Variants in CTSL observed in about 807,000 individuals in gnomAD.
CTSL encodes procathepsin L.
Under a neutral mutation model 34.7 loss-of-function variants are expected in CTSL, and 23 were observed. The ratio of observed to expected loss-of-function variants is 0.66; its 90% CI spans 0.48 to 0.94. The LOEUF is 0.94. Among genes scored for constraint, CTSL ranks in the 40% least tolerant of loss-of-function variants. CTSL has a pLI of 0.00. For synonymous variants in CTSL, 129 were observed against 136.7 expected, an observed-to-expected ratio of 0.94 and a Z score of 0.39; for missense variants, 361 against 406.3, an observed-to-expected ratio of 0.89 and a Z score of 0.96.
chr9:87,730,629 A>G (rs1036630357), intron 7 of CTSL, 131 bp downstream of exon 7: 1 of 618,234 alleles, frequency 1.6e-6, no homozygotes, highest in Admixed American at 3.2e-5. Context: ...TTGAACATAT[A>G]ATATTAATGT....
chr9:87,728,552 G>A lies in CTSL; in HGVS notation c.397-33G>A, dbSNP rs762754942. The A allele has an allele frequency of 3.2e-6, 5 of 1,573,604 alleles. No homozygotes were observed. In the East Asian group the frequency reaches 1.1e-4, roughly 35 times the overall value. ...GTCAAAGTCTTATTATTTTTTTTTT[G>A]TGGATGACAGCTTTTTTTAATTCCC... On this transcript the variant is annotated intron_variant, in intron 4 of 7. Coordinates refer to ENST00000343150, the MANE Select transcript of CTSL (RefSeq NM_001912.5).
chr9:87,727,546 C>T (rs1826066374), intron 1 of CTSL, 48 bp from the exon 2 acceptor site: 3 of 1,590,800 alleles, frequency 1.9e-6, no homozygotes, highest in Non-Finnish European at 2.6e-6. Context: ...AGTAAGATGG[C>T]TTTTTAGGAT....
intron 2 of CTSL, 55 bp downstream of exon 2, chr9:87,727,784 G>C: frequency 1.2e-6 from 2 of 1,605,988 alleles, no homozygotes; most frequent in Non-Finnish European, 1.7e-6. Flanking sequence ...GTTTTAGTCA[G>C]AGAGTAGCTT....
In CTSL at chr9:87,729,558, CT is replaced by C. The variant is rs766783188; in HGVS notation, c.622-12del. 6.8e-6 allele frequency: 11 copies of C among 1,606,820 alleles called. No individual in the cohort carries two copies. In the African/African-American group the frequency reaches 1.5e-4, roughly 22 times the overall value. ...AGCAGTAATCAAGTCTTTTTTTTCCCTTTACCTTTGAAAGGAAGAATCCTGT... is the reference window on the plus strand; with the variant it reads ...AGCAGTAATCAAGTCTTTTTTTTCCCTTACCTTTGAAAGGAAGAATCCTGT... On this transcript the variant is annotated splice_polypyrimidine_tract_variant and intron_variant, in intron 5 of 7. Transcript: ENST00000343150.
Position 87,731,089 on chromosome 9 carries a change from C to A in CTSL, c.984C>A (p.Ala328=). The A allele has an allele frequency of 1.2e-6, 2 of 1,613,904 alleles. No homozygotes were observed. Among genetic ancestry groups the A allele is most frequent in the Non-Finnish European group, 1.7e-6 (2 of 1,179,864 alleles). ...ACCATTGTGGAATTGCCTCAGCAGC[C>A]AGCTACCCCACTGTGTGAGCTGGTG... The part of the protein sequence containing the change: ...RRNHCGIASA[A]SYPTV The change falls in exon 8 of 8, where the codon GCC becomes GCA. Residue 328 remains alanine (A), a synonymous_variant. Transcript: ENST00000343150.
At position 87,730,428 on chromosome 9, in the gene CTSL, G is replaced by GT; in HGVS notation, c.833dup (p.Leu279AlafsTer8). On this transcript the variant is annotated frameshift_variant, in exon 7 of 8. Coordinates refer to ENST00000343150, the MANE Select transcript of CTSL (RefSeq NM_001912.5). LOFTEE classifies it high-confidence loss of function. ...TAGCAGTGAAGACATGGATCATGGT[G>GT]TGCTGGTGGTTGGCTACGGATTTGA... The GT allele has an allele frequency of 6.2e-7, 1 of 1,613,308 alleles. No homozygotes were observed. The highest frequency in any genetic ancestry group is 8.5e-7 in the Non-Finnish European group (1 of 1,179,782).
Position 87,731,129 on chromosome 9 carries a change from A to G in CTSL, c.*22A>G. The stretch of plus-strand genomic sequence containing the variant: ...GTGAGCTGGTGGACGGTGATGAGGA[A>G]GGACTTGACTGGGGATGGCGCATGC... On this transcript the variant is annotated 3_prime_UTR_variant, in exon 8 of 8. Coordinates refer to ENST00000343150, the MANE Select transcript of CTSL (RefSeq NM_001912.5). 6 of 1,595,580 alleles carry G rather than the reference A, an allele frequency of 3.8e-6. No homozygotes were observed. Among genetic ancestry groups the G allele is most frequent in the East Asian group, 2.2e-5 (1 of 44,760 alleles).
intron 7 of CTSL, 58 bp downstream of exon 7, chr9:87,730,556 AC>A: frequency 7.9e-7 from 1 of 1,262,456 alleles, no homozygotes; most frequent in South Asian, 1.3e-5. Context: ...TTATTTGCAA[AC>A]AGTGTTTGGA....
At chr9:87,730,930 G>A in intron 7 of CTSL, 78 bp from the exon 8 acceptor site, 3 of 1,164,486 alleles carry the variant, frequency 2.6e-6, no homozygotes, top group Middle Eastern at 1.9e-4. Flanking sequence ...CTGGCACAGT[G>A]TTTAAGTTGG....
Position 87,727,662 on chromosome 9 carries a change from C to T in CTSL, c.59C>T (p.Thr20Ile). ...FCLGIASATL[T>I]FDHSLEAQWT... ...CTGGGAATTGCCTCAGCTACTCTAA[C>T]ATTTGATCACAGTTTAGAGGCACAG... Residue 20 changes from threonine to isoleucine, a missense_variant, in exon 2 of 8, where the codon ACA (threonine) becomes ATA (isoleucine). Transcript: ENST00000343150. 6.2e-7 allele frequency: 1 copy of T among 1,614,028 alleles called. No individual in the cohort carries two copies. Among genetic ancestry groups the T allele is most frequent in the Non-Finnish European group, 8.5e-7 (1 of 1,179,966 alleles).
chr9:87,729,299 G>A (rs1006903728), intron 5 of CTSL, among the ~76,000 whole-genome samples: 1 of 152,158 alleles, frequency 6.6e-6, no homozygotes, highest in African/African-American at 2.4e-5. Flanking sequence ...TTGCTTCTAT[G>A]TAACGTGAAG....
intron 5 of CTSL, 85 bp from the exon 6 acceptor site, chr9:87,729,488 C>A: frequency 8.3e-7 from 1 of 1,201,810 alleles, no homozygotes; most frequent in Non-Finnish European, 1.2e-6. Flanking sequence ...AAGCTGCACA[C>A]TGCTGAGTGT....
chr9:87,727,909 G>A, intron 2 of CTSL, 118 bp from the exon 3 acceptor site: 2 of 1,474,632 alleles, frequency 1.4e-6, no homozygotes, highest in Non-Finnish European at 1.9e-6. Context: ...CATCCCCAGA[G>A]GTGTCAAGCC....
chr9:87,728,880 C>G (rs752056590), intron 5 of CTSL, 71 bp downstream of exon 5: 1 of 1,604,350 alleles, frequency 6.2e-7, no homozygotes, highest in African/African-American at 1.3e-5. Context: ...ATAACAGATA[C>G]CTTTTTCGGA....
At chr9:87,730,093 C>T (rs905581061) in intron 6 of CTSL, among the ~76,000 whole-genome samples, 1 of 151,886 alleles carries the variant, frequency 6.6e-6, no homozygotes, top group African/African-American at 2.4e-5. Context: ...GTGTTCTGTG[C>T]TATTTTTTTA....
At chr9:87,727,569 A>G in intron 1 of CTSL, 25 bp from the exon 2 acceptor site, 2 of 1,612,060 alleles carry the variant, frequency 1.2e-6, no homozygotes, top group Non-Finnish European at 8.5e-7. Context: ...GTCTAATCAG[A>G]TCCTCATTTT....
At chr9:87,727,910 G>A in intron 2 of CTSL, 117 bp from the exon 3 acceptor site, 2 of 1,475,016 alleles carry the variant, frequency 1.4e-6, no homozygotes, top group South Asian at 1.2e-5. Flanking sequence ...ATCCCCAGAG[G>A]TGTCAAGCCT....
chr9:87,730,402 G>A lies in CTSL; in HGVS notation c.806G>A (p.Cys269Tyr), dbSNP rs770628392. ...YKEGIYFEPD[C>Y]SSEDMDHGVL... ...CCAGGCATTTATTTTGAGCCAGACT[G>A]TAGCAGTGAAGACATGGATCATGGT... is the stretch of plus-strand genomic sequence containing the variant. Residue 269 changes from cysteine (C) to tyrosine (Y), a missense_variant, in exon 7 of 8, where the codon TGT becomes TAT. Physicochemically the swap from Cys to Tyr is radical, Grantham distance 194. Transcript: ENST00000343150. 2 of 1,611,850 alleles carry A rather than the reference G, an allele frequency of 1.2e-6. No individual in the cohort carries two copies. The highest frequency in any genetic ancestry group is 3.4e-5 in the Admixed American group (2 of 59,450).
chr9:87,727,083 G>A (rs1164594713), intron 1 of CTSL, among the ~76,000 whole-genome samples: 1 of 136,588 alleles, frequency 7.3e-6, no homozygotes, highest in East Asian at 2.3e-4. Flanking sequence ...TAAATAAATA[G>A]GAGAGATTGG....
Sources: allele counts gnomAD v4.1 joint callset (sites outside exome capture counted in the v4.1 genomes callset), GRCh38; gene constraint gnomAD v4.1.1; transcripts MANE v1.5; gene names NCBI Gene and HGNC (gene_info 2026-07-23, HGNC 2026-07-21).